Variants in RSAD2 observed in about 807,000 individuals in gnomAD.
RSAD2 encodes radical S-adenosyl methionine domain containing 2.
A neutral mutation model predicts 37.7 loss-of-function variants in RSAD2; 38 were observed. That is an observed-to-expected ratio of 1.01 (90% CI 0.78 to 1.32). The LOEUF (loss-of-function observed/expected upper bound fraction) is 1.32. Among genes scored for constraint, RSAD2 ranks in the 40% most tolerant of loss-of-function variants. The pLI is 0.00. For missense variants in RSAD2, 428 were observed against 437.5 expected (o/e 0.98, Z 0.19); for synonymous variants, 163 against 157.4 (o/e 1.04, Z -0.27).
At chr2:6,866,779 G>A (rs1663101390) in intron 1 of RSAD2, 1 of 150,132 alleles carries the variant, frequency 6.7e-6, no homozygotes, top group Non-Finnish European at 1.5e-5. Flanking sequence ...CAAAAAAATA[G>A]AATTGAGACG....
chr2:6,894,027 GT>G lies in RSAD2; in HGVS notation c.921+326del, dbSNP rs145076476. Among the ~76,000 whole-genome samples the G allele has an allele frequency of 8.8e-3, 1,338 of 152,322 alleles. 15 individuals are homozygous for G. The highest frequency in any genetic ancestry group is 0.031 in the African/African-American group (1,286 of 41,580). On this transcript the variant is annotated intron_variant, in intron 5 of 5. Coordinates refer to ENST00000382040, the MANE Select transcript of RSAD2 (RefSeq NM_080657.5). ...GTTATCACACACAACAGAGTCATCT[GT>G]TATGTAGTCCTGGGCTGGAGGCTCT...
chr2:6,893,200 G>C (rs1241512147), intron 4 of RSAD2, among the ~76,000 whole-genome samples: 1 of 151,914 alleles, frequency 6.6e-6, no homozygotes, highest in Non-Finnish European at 1.5e-5. Context: ...AGTCATAACT[G>C]TTTGTAAGTA....
chr2:6,875,364 G>A (rs923174634), upstream of RSAD2, among the ~76,000 whole-genome samples: 2 of 152,148 alleles, frequency 1.3e-5, no homozygotes, highest in Non-Finnish European at 2.9e-5. Flanking sequence ...TCAACTAGGG[G>A]AATTAGGTAT....
intron 1 of RSAD2, chr2:6,879,142 C>G (rs1237973255): frequency 2.3e-6 from 1 of 443,134 alleles, no homozygotes; most frequent in East Asian, 7.1e-5. Flanking sequence ...GATCTGACTT[C>G]TTTGCTCCAC....
chr2:6,886,496 A>G (rs1175064737), intron 2 of RSAD2, among the ~76,000 whole-genome samples: 2 of 152,222 alleles, frequency 1.3e-5, no homozygotes, highest in Admixed American at 6.5e-5. Flanking sequence ...AAGCGGATGA[A>G]CTTAGCAAAA....
At chr2:6,884,018 A>G (rs1484931146) in intron 2 of RSAD2, among the ~76,000 whole-genome samples, 1 of 152,234 alleles carries the variant, frequency 6.6e-6, no homozygotes. Flanking sequence ...GATTCCTCGC[A>G]GTTCAGTTTT....
At chr2:6,886,300 A>G (rs954022295) in intron 2 of RSAD2, among the ~76,000 whole-genome samples, 1 of 152,244 alleles carries the variant, frequency 6.6e-6, no homozygotes, top group African/African-American at 2.4e-5. Flanking sequence ...TGTGCTCCCA[A>G]AACGACACGC....
At chr2:6,874,293 C>T (rs572465922), upstream of RSAD2, among the ~76,000 whole-genome samples, 45 of 152,286 alleles carry the variant, frequency 3.0e-4, no homozygotes, top group African/African-American at 1.0e-3. Flanking sequence ...GCCAATTCAA[C>T]CTATTTTCCT....
chr2:6,887,903 C>G (rs1255295320), intron 3 of RSAD2, among the ~76,000 whole-genome samples: 4 of 152,212 alleles, frequency 2.6e-5, no homozygotes, highest in Non-Finnish European at 5.9e-5. Flanking sequence ...AGATGCAGAG[C>G]TCAGTGCTAG....
rs149300656 is a variant in RSAD2, at chr2:6,895,864, T to C, written c.1008T>C (p.Ser336=). The C allele has an allele frequency of 2.5e-6, 4 of 1,613,956 alleles. No individual in the cohort carries two copies. Among genetic ancestry groups the C allele is most frequent in the African/African-American group, 2.7e-5 (2 of 74,904 alleles). The change falls in exon 6 of 6, where the codon AGT becomes AGC. Residue 336 remains serine (S), a synonymous_variant. Transcript: ENST00000382040. ...GTGTAGAAGAAGCTATAAAATTCAG[T>C]GGATTTGATGAAAAGATGTTTCTGA... The part of the protein sequence containing the change: ...DVGVEEAIKF[S]GFDEKMFLKR...
In RSAD2 at chr2:6,895,860, T is replaced by A. The variant is rs1232333691; in HGVS notation, c.1004T>A (p.Phe335Tyr). 1 of 1,614,002 alleles carries A rather than the reference T, an allele frequency of 6.2e-7. No individual in the cohort carries two copies. Among genetic ancestry groups the A allele is most frequent in the Non-Finnish European group, 8.5e-7 (1 of 1,180,002 alleles). The change falls in exon 6 of 6, where the codon TTC (phenylalanine) becomes TAC (tyrosine). Residue 335 changes from phenylalanine to tyrosine, a missense_variant. By Grantham distance (22) the Phe-to-Tyr change is conservative. Transcript: ENST00000382040. ...LDVGVEEAIK[F>Y]SGFDEKMFLK... ...GTTGGTGTAGAAGAAGCTATAAAAT[T>A]CAGTGGATTTGATGAAAAGATGTTT...
chr2:6,870,924 G>A (rs761986344), intron 1 of RSAD2, among the ~76,000 whole-genome samples: 2 of 152,158 alleles, frequency 1.3e-5, no homozygotes, highest in Non-Finnish European at 2.9e-5. Context: ...TATGGTTTGA[G>A]GTGTTGTAAT....
chr2:6,880,755 G>T (rs1001380101), intron 1 of RSAD2, among the ~76,000 whole-genome samples: 4 of 151,714 alleles, frequency 2.6e-5, no homozygotes, highest in Admixed American at 2.6e-4. Flanking sequence ...CTGAGATGAT[G>T]GTGTTCTTGA....
chr2:6,867,327 G>A (rs1663116838), intron 1 of RSAD2, among the ~76,000 whole-genome samples: 1 of 152,182 alleles, frequency 6.6e-6, no homozygotes, highest in Non-Finnish European at 1.5e-5. Flanking sequence ...CTAGCGTGCA[G>A]ACCGCCTCCT....
At chr2:6,883,233 T>G (rs1455111095) in intron 1 of RSAD2, 138 bp from the exon 2 acceptor site, 2 of 873,674 alleles carry the variant, frequency 2.3e-6, no homozygotes, top group Non-Finnish European at 1.7e-6. Flanking sequence ...GGATTGGTGT[T>G]GGGAACTAGG....
upstream of RSAD2, among the ~76,000 whole-genome samples, chr2:6,874,183 C>T (rs1157548207): frequency 6.6e-6 from 1 of 152,044 alleles, no homozygotes; most frequent in East Asian, 1.9e-4. Context: ...GACATCTTCT[C>T]CCCCTTTTCC....
At chr2:6,894,682 C>G (rs1018520989) in intron 5 of RSAD2, among the ~76,000 whole-genome samples, 6 of 152,212 alleles carry the variant, frequency 3.9e-5, no homozygotes. Context: ...GTTGCCCATG[C>G]TGGCCTCTAA....
exon 1 of RSAD2, chr2:6,866,017 G>A: frequency 2.0e-6 from 1 of 511,940 alleles, no homozygotes; most frequent in Non-Finnish European, 3.0e-6. Flanking sequence ...GGCTGACACC[G>A]AATGAGGCCC....
At chr2:6,887,531 C>T (rs1300463162) in intron 3 of RSAD2, among the ~76,000 whole-genome samples, 3 of 152,178 alleles carry the variant, frequency 2.0e-5, no homozygotes, top group South Asian at 2.1e-4. Flanking sequence ...GGACAGATAC[C>T]GGTTCCTCAT....
Sources: gnomAD v4.1 joint callset for allele counts (sites outside exome capture counted in the v4.1 genomes callset) on GRCh38, gnomAD v4.1.1 for gene constraint, MANE v1.5 for transcripts, NCBI Gene and HGNC (gene_info 2026-07-23, HGNC 2026-07-21) for gene names.